Variants in ANLN observed in about 807,000 individuals in gnomAD.
ANLN encodes the protein anillin.
In ANLN, 59 loss-of-function variants were observed where a neutral mutation model predicts 135.1. The ratio of observed to expected loss-of-function variants is 0.44; its 90% CI spans 0.35 to 0.54. The LOEUF (loss-of-function observed/expected upper bound fraction) is 0.54, where lower values mean the gene tolerates loss of function less well. Ranked by LOEUF, ANLN falls within the 20% of genes least tolerant of loss-of-function variation. ANLN has a pLI of 0.00. For synonymous variants in ANLN, 406 were observed against 456.4 expected, an observed-to-expected ratio of 0.89 and a Z score of 1.41; for missense variants, 1,182 against 1,340.0, an observed-to-expected ratio of 0.88 and a Z score of 1.84.
intron 3 of ANLN, among the ~76,000 whole-genome samples, chr7:36,400,625 G>GT (rs1400360572): frequency 1.3e-5 from 2 of 152,068 alleles, no homozygotes; most frequent in East Asian, 1.9e-4. Context: ...GGCCTCCCAA[G>GT]TGTTAGGATT....
At chr7:36,420,462 T>A (rs1279730426) in intron 11 of ANLN, 135 bp from the exon 12 acceptor site, 31 of 1,251,528 alleles carry the variant, frequency 2.5e-5, no homozygotes, top group Non-Finnish European at 2.9e-5. Context: ...TTTCACCAAA[T>A]GAGAGTTCCA....
chr7:36,446,417 G>A (rs890389556), intron 22 of ANLN, among the ~76,000 whole-genome samples: 2 of 152,006 alleles, frequency 1.3e-5, no homozygotes, highest in Non-Finnish European at 2.9e-5. Flanking sequence ...CCCAAGACTG[G>A]GTAATTTTTA....
chr7:36,418,217 G>C (rs1016721082), intron 9 of ANLN, among the ~76,000 whole-genome samples: 8 of 152,210 alleles, frequency 5.3e-5, no homozygotes, highest in Non-Finnish European at 7.3e-5. Context: ...AGTTCTCTTG[G>C]GTTTCAGTGG....
chr7:36,400,236 G>C (rs197363), intron 3 of ANLN, among the ~76,000 whole-genome samples: 141,479 of 152,300 alleles, frequency 0.93, 66,069 homozygotes, highest in South Asian at 0.98. Context: ...CAATTTGGCA[G>C]TAAGAGCTGA....
chr7:36,419,296 G>A lies in ANLN; in HGVS notation c.1686G>A (p.Ser562=), dbSNP rs34371129. The part of the protein sequence containing the change: ...MSVDDDDINS[S]KVINDLFSDV... ...TGGATGATGATGATATCAATAGTTCGAAAGTAATTAATGACCTCTTCAGTG... is the reference window on the plus strand; with the variant it reads ...TGGATGATGATGATATCAATAGTTCAAAAGTAATTAATGACCTCTTCAGTG... Residue 562 remains serine, a synonymous_variant, in exon 10 of 24, where the codon TCG becomes TCA. Coordinates refer to ENST00000265748, the MANE Select transcript of ANLN (RefSeq NM_018685.5). 3,133 of 1,614,036 alleles carry A rather than the reference G, an allele frequency of 1.9e-3. 47 individuals carry two copies. The African/African-American group carries it at 0.036, about 19-fold the overall frequency.
chr7:36,426,958 A>G lies in ANLN; in HGVS notation c.2813A>G (p.Asn938Ser), dbSNP rs770248727. The G allele has an allele frequency of 2.5e-6, 4 of 1,613,458 alleles. No homozygotes were observed. The South Asian group carries it at 3.3e-5, about 13-fold the overall frequency. ...PGGLSAVRTS[N>S]FALVGSYTLS... Reference sequence around the variant, plus strand: ...GGTCTTAGTGCTGTGCGAACCAGCAACTTCGCCCTTGTTGGATCTTACACA... The same window carrying G: ...GGTCTTAGTGCTGTGCGAACCAGCAGCTTCGCCCTTGTTGGATCTTACACA... The change falls in exon 20 of 24, where the codon AAC (asparagine) becomes AGC (serine). Residue 938 changes from asparagine (N) to serine (S), a missense_variant. Transcript: ENST00000265748.
At chr7:36,436,602 A>G (rs144961392) in intron 20 of ANLN, among the ~76,000 whole-genome samples, 38 of 152,278 alleles carry the variant, frequency 2.5e-4, no homozygotes, top group Non-Finnish European at 4.9e-4. Context: ...CCATTTTCCT[A>G]CATCTTTTCC....
chr7:36,402,112 ATTT>A (rs572615037), intron 3 of ANLN, among the ~76,000 whole-genome samples: 1 of 89,708 alleles, frequency 1.1e-5, no homozygotes. Flanking sequence ...CAATAAAGCT[ATTT>A]TTTTTTTTTT....
chr7:36,400,493 G>A (rs1786899974), intron 3 of ANLN, among the ~76,000 whole-genome samples: 1 of 152,086 alleles, frequency 6.6e-6, no homozygotes, highest in South Asian at 2.1e-4. Context: ...CCAAGTAGCT[G>A]GGATGACAGG....
chr7:36,423,370 G>A (rs2116678031), intron 14 of ANLN, among the ~76,000 whole-genome samples: 1 of 152,076 alleles, frequency 6.6e-6, no homozygotes, highest in South Asian at 2.1e-4. Context: ...TGCGTCTGGA[G>A]GTACGTGGTT....
intron 21 of ANLN, among the ~76,000 whole-genome samples, chr7:36,441,114 T>G (rs1238432050): frequency 1.3e-5 from 2 of 152,210 alleles, no homozygotes; most frequent in African/African-American, 2.4e-5. Context: ...ATTTCTGACT[T>G]GAAGGCAGTA....
intron 4 of ANLN, 148 bp downstream of exon 4, chr7:36,406,714 G>A (rs1454203709): frequency 3.6e-6 from 3 of 837,168 alleles, no homozygotes; most frequent in African/African-American, 1.7e-5. Flanking sequence ...TAAGATATCG[G>A]TTTCTTAGAA....
chr7:36,406,258 T>C lies in ANLN; in HGVS notation c.565T>C (p.Ser189Pro), dbSNP rs747193872. The change falls in exon 4 of 24, where the codon TCA (serine) becomes CCA (proline). Residue 189 changes from serine to proline, a missense_variant. By Grantham distance (74) the Ser-to-Pro change is moderately conservative. Coordinates refer to ENST00000265748, the MANE Select transcript of ANLN (RefSeq NM_018685.5). ...KAASPPRPLL[S>P]NASATPVGRR... is the part of the protein sequence containing the mutation. ...TGCTTCCCCTCCCAGACCTCTGCTT[T>C]CAAATGCCTCGGCAACTCCAGTTGG... 5.6e-6 allele frequency: 9 copies of C among 1,614,004 alleles called. No homozygotes were observed. In the African/African-American group the frequency reaches 1.2e-4, roughly 22 times the overall value.
rs530432252 is a variant in ANLN at position 36,422,725 on chromosome 7, A to C, written c.2392A>C (p.Met798Leu). Residue 798 changes from methionine (M) to leucine (L), a missense_variant, in exon 14 of 24, where the codon ATG (methionine) becomes CTG (leucine). Physicochemically the swap from Met to Leu is conservative, Grantham distance 15. This residue lies in a region of ANLN where 1,022 missense variants were observed against 1,134.0 expected (regional missense o/e 0.90). Transcript: ENST00000265748. ...KNKASPQSEF[M>L]PSKGSVTLSE... ...TAAGGCTAGTCCCCAAAGTGAATTT[A>C]TGCCATCCAAAGGATCAGTTACTTT... 1 of 1,613,562 alleles carries C rather than the reference A, an allele frequency of 6.2e-7. No individual in the cohort carries two copies. The highest frequency in any genetic ancestry group is 8.5e-7 in the Non-Finnish European group (1 of 1,179,838).
chr7:36,421,291 C>T (rs1257260662), intron 12 of ANLN, among the ~76,000 whole-genome samples: 1 of 152,032 alleles, frequency 6.6e-6, no homozygotes, highest in East Asian at 1.9e-4. Context: ...TAGTCTCAAA[C>T]TCTTGAACTC....
chr7:36,397,155 A>T (rs1432407254), intron 2 of ANLN, among the ~76,000 whole-genome samples: 1 of 89,024 alleles, frequency 1.1e-5, no homozygotes, highest in African/African-American at 3.0e-5. Flanking sequence ...ATGTTTTTTT[A>T]AAAAAAAAGA....
At chr7:36,422,110 G>T in intron 13 of ANLN, 118 bp downstream of exon 13, 1 of 1,168,188 alleles carries the variant, frequency 8.6e-7, no homozygotes, top group South Asian at 1.8e-5. Flanking sequence ...TGTTCCAGTG[G>T]ATCTATTTTT....
intron 9 of ANLN, 108 bp downstream of exon 9, chr7:36,417,298 A>G (rs1583620252): frequency 4.6e-6 from 3 of 655,542 alleles, no homozygotes; most frequent in East Asian, 5.8e-5. Flanking sequence ...TTTAAATTAA[A>G]TCAGAATACA....
At position 36,411,248 on chromosome 7, in the gene ANLN, T is replaced by C; in HGVS notation, c.1395+82T>C. On this transcript the variant is annotated intron_variant, in intron 7 of 23. Coordinates refer to ENST00000265748, the MANE Select transcript of ANLN (RefSeq NM_018685.5). ...TTTGTAGTTCTGTATTGGCAAATAA[T>C]TCTTTACACATTTTTCTTTTCCAAT... 3.6e-6 allele frequency: 4 copies of C among 1,096,178 alleles called. No homozygotes were observed. In the East Asian group the frequency reaches 1.1e-4, roughly 29 times the overall value. 67.9% of individuals were successfully genotyped at this position (1,096,178 alleles called of 1,614,324 possible).
Sources: allele counts gnomAD v4.1 joint callset (sites outside exome capture counted in the v4.1 genomes callset), GRCh38; gene constraint gnomAD v4.1.1; regional missense constraint gnomAD v4.1.1; transcripts MANE v1.5; gene names NCBI Gene and HGNC (gene_info 2026-07-23, HGNC 2026-07-21).